Variants in CALCR observed in about 807,000 individuals in gnomAD.
The protein encoded by CALCR is calcitonin receptor.
CALCR carries 47 observed loss-of-function variants against 59.5 expected under a neutral mutation model. The ratio of observed to expected loss-of-function variants is 0.79; its 90% CI spans 0.63 to 1.01. The LOEUF is 1.01. Among genes scored for constraint, CALCR ranks in the 50% least tolerant of loss-of-function variants. The probability of loss-of-function intolerance (pLI) is 0.00; values close to 1 mark genes in which losing one functional copy is unlikely to be tolerated. For missense variants in CALCR, 566 were observed against 597.1 expected, an observed-to-expected ratio of 0.95 and a Z score of 0.54; for synonymous variants, 213 against 211.3, an observed-to-expected ratio of 1.01 and a Z score of -0.07.
intron 13 of CALCR, 101 bp from the exon 14 acceptor site, chr7:93,426,690 T>C (rs1717292320): frequency 1.5e-6 from 1 of 655,070 alleles, no homozygotes; most frequent in South Asian, 2.1e-5. Flanking sequence ...TTAAAGAAAG[T>C]TAAATTGTAA....
intron 12 of CALCR, among the ~76,000 whole-genome samples, chr7:93,434,742 C>G (rs1036931556): frequency 1.3e-5 from 2 of 152,030 alleles, no homozygotes; most frequent in Non-Finnish European, 2.9e-5. Context: ...CTGTACCCAC[C>G]GCCAAGTTCA....
intron 2 of CALCR, among the ~76,000 whole-genome samples, chr7:93,490,108 G>T (rs111531244): frequency 2.0e-5 from 3 of 151,740 alleles, no homozygotes; most frequent in Admixed American, 2.0e-4. Flanking sequence ...TTCAACATAC[G>T]CAAATCAATA....
At chr7:93,567,021 A>G (rs1317529942) in intron 2 of CALCR, among the ~76,000 whole-genome samples, 1 of 152,198 alleles carries the variant, frequency 6.6e-6, no homozygotes. Context: ...CAGAGGAGAA[A>G]TAGAGGTATG....
intron 2 of CALCR, among the ~76,000 whole-genome samples, chr7:93,490,627 G>A (rs1801053380): frequency 6.6e-6 from 1 of 151,760 alleles, no homozygotes; most frequent in Non-Finnish European, 1.5e-5. Context: ...CAAGCAGAGA[G>A]CCAAATCACA....
intron 6 of CALCR, among the ~76,000 whole-genome samples, chr7:93,469,077 T>C (rs1440222170): frequency 6.6e-6 from 1 of 151,848 alleles, no homozygotes; most frequent in East Asian, 1.9e-4. Context: ...TTAAATGCAT[T>C]AAAAATTATC....
At position 93,426,469 on chromosome 7, in the gene CALCR, T is replaced by C; in HGVS notation, c.1312A>G (p.Ile438Val). Reference protein sequence around the residue: ...AAAAAAEAGDIPIYICHQELR... With the variant: ...AAAAAAEAGDVPIYICHQELR... ...TCCTGATGGCAGATGTAAATTGGGA[T>C]GTCGCCAGCCTCCGCAGCAGCGGCT... The change falls in exon 14 of 14, where the codon ATC becomes GTC. Residue 438 changes from isoleucine (I) to valine (V), a missense_variant. Ile to Val is a conservative substitution (Grantham distance 29). Transcript: ENST00000426151. 6.2e-7 allele frequency: 1 copy of C among 1,613,926 alleles called. No individual in the cohort carries two copies. Among genetic ancestry groups the C allele is most frequent in the Non-Finnish European group, 8.5e-7 (1 of 1,179,822 alleles).
intron 2 of CALCR, among the ~76,000 whole-genome samples, chr7:93,523,300 G>A (rs1172168695): frequency 6.6e-6 from 1 of 151,928 alleles, no homozygotes; most frequent in African/African-American, 2.4e-5. Flanking sequence ...TACCCCTCAC[G>A]GTCTCCTCCC....
chr7:93,432,601 A>G (rs749285703), intron 13 of CALCR, among the ~76,000 whole-genome samples: 1 of 152,196 alleles, frequency 6.6e-6, no homozygotes. Flanking sequence ...GAGACATTCA[A>G]TTGCTAGGGT....
In CALCR at chr7:93,497,151, C is replaced by T. The variant is rs539041329; in HGVS notation, c.-26-10144G>A. 2.6e-5 allele frequency among the ~76,000 whole-genome samples: 4 copies of T among 151,524 alleles called. No homozygotes were observed. The East Asian group carries it at 7.8e-4, about 30-fold the overall frequency. On this transcript the variant is annotated intron_variant, in intron 2 of 13. Coordinates refer to ENST00000426151, the MANE Select transcript of CALCR (RefSeq NM_001742.4). The stretch of plus-strand genomic sequence containing the variant: ...GCTGTTCTGGGTAAACAGTGTGACA[C>T]ACAATGTAAGAGAAATAATTCAGAT...
intron 13 of CALCR, among the ~76,000 whole-genome samples, chr7:93,430,397 T>C (rs1467065069): frequency 1.3e-5 from 2 of 152,214 alleles, no homozygotes; most frequent in Non-Finnish European, 2.9e-5. Flanking sequence ...TGATTTTATC[T>C]TACAAAATTT....
chr7:93,534,115 G>A (rs921158346), intron 2 of CALCR, among the ~76,000 whole-genome samples: 4 of 151,732 alleles, frequency 2.6e-5, no homozygotes, highest in African/African-American at 9.7e-5. Context: ...ATAAAGTTCT[G>A]TATCCAAATA....
intron 2 of CALCR, among the ~76,000 whole-genome samples, chr7:93,513,315 G>GA (rs1358564824): frequency 6.6e-6 from 1 of 152,108 alleles, no homozygotes; most frequent in East Asian, 1.9e-4. Flanking sequence ...TGTTTTAAAT[G>GA]AAAAAGATCT....
chr7:93,508,143 G>A (rs1479245670), intron 2 of CALCR, among the ~76,000 whole-genome samples: 1 of 152,056 alleles, frequency 6.6e-6, no homozygotes, highest in Admixed American at 6.5e-5. Context: ...CACATATATT[G>A]CCATTTGGCA....
intron 2 of CALCR, among the ~76,000 whole-genome samples, chr7:93,530,163 A>G (rs1031132489): frequency 1.3e-5 from 2 of 152,146 alleles, no homozygotes; most frequent in East Asian, 1.9e-4. Context: ...ATTGACCCTT[A>G]TTGTGGCAAT....
In CALCR at chr7:93,567,115, A is replaced by G. The variant is rs71562830; in HGVS notation, c.-27+7174T>C. 5.0e-3 allele frequency among the ~76,000 whole-genome samples: 766 copies of G among 152,322 alleles called. 9 individuals are homozygous for G. The highest frequency in any genetic ancestry group is 8.0e-3 in the Non-Finnish European group (544 of 68,024). On this transcript the variant is annotated intron_variant, in intron 2 of 13. Transcript: ENST00000426151. ...ATGCTATGTTCTGAATATGTGTGCT[A>G]TGTTTTAAATGCTCACTAAAGAAAA... is the stretch of plus-strand genomic sequence containing the variant.
At chr7:93,499,652 T>A (rs954648791) in intron 2 of CALCR, among the ~76,000 whole-genome samples, 1 of 151,780 alleles carries the variant, frequency 6.6e-6, no homozygotes, top group African/African-American at 2.4e-5. Context: ...TTGCCATGCT[T>A]GTTTGGCTAA....
chr7:93,526,335 TG>T (rs1377317643), intron 2 of CALCR, among the ~76,000 whole-genome samples: 2 of 152,106 alleles, frequency 1.3e-5, no homozygotes, highest in African/African-American at 4.8e-5. Context: ...TACATCACAC[TG>T]TTACTTGTCC....
intron 2 of CALCR, among the ~76,000 whole-genome samples, chr7:93,536,981 T>C (rs990164403): frequency 1.3e-5 from 2 of 151,790 alleles, no homozygotes; most frequent in Non-Finnish European, 3.0e-5. Flanking sequence ...TAGCATTAAG[T>C]GATTTAGAAA....
chr7:93,487,766 G>T (rs373571465), intron 2 of CALCR, among the ~76,000 whole-genome samples: 1 of 151,316 alleles, frequency 6.6e-6, no homozygotes, highest in Non-Finnish European at 1.5e-5. Flanking sequence ...AGGGGTGAGT[G>T]GTTATGACTG....
Sources: gnomAD v4.1 joint callset for allele counts (sites outside exome capture counted in the v4.1 genomes callset) on GRCh38, gnomAD v4.1.1 for gene constraint, MANE v1.5 for transcripts, NCBI Gene and HGNC (gene_info 2026-07-23, HGNC 2026-07-21) for gene names.